The following BSG variants were observed in gnomAD, a reference collection of about 807,000 sequenced individuals.
BSG encodes basigin.
In BSG, 37 loss-of-function variants were observed where a neutral mutation model predicts 43.1. That is an observed-to-expected ratio of 0.86 (90% CI 0.66 to 1.13). The LOEUF is 1.13. Among genes scored for constraint, BSG ranks in the 50% most tolerant of loss-of-function variants. The pLI, the probability that BSG is intolerant of heterozygous loss-of-function variation, is 0.00. For missense variants in BSG, 599 were observed against 554.2 expected, an observed-to-expected ratio of 1.08 and a Z score of -0.81; for synonymous variants, 309 against 238.7, an observed-to-expected ratio of 1.29 and a Z score of -2.72.
At chr19:572,453 C>T (rs1452856966), upstream of BSG, 3 of 1,152,916 alleles carry the variant, frequency 2.6e-6, no homozygotes, top group South Asian at 4.4e-5. Context: ...GGAGCCGGCG[C>T]GTACATGCGA....
At position 578,036 on chromosome 19, in the gene BSG, C is replaced by T; in HGVS notation, c.330C>T (p.Ala110=). The T allele has an allele frequency of 1.6e-5, 25 of 1,611,630 alleles. No homozygotes were observed. Among genetic ancestry groups the T allele is most frequent in the Non-Finnish European group, 2.0e-5 (24 of 1,179,436 alleles). Reference sequence around the variant, plus strand: ...ACACGGGCACTTACGAGTGCCGGGCCAGCAACGACCCGGATCGCAACCACC... The same window carrying T: ...ACACGGGCACTTACGAGTGCCGGGCTAGCAACGACCCGGATCGCAACCACC... ...EEDTGTYECR[A]SNDPDRNHLT... Residue 110 remains alanine (A), a synonymous_variant, in exon 2 of 9, where the codon GCC becomes GCT. Coordinates refer to ENST00000333511, the MANE Select transcript of BSG (RefSeq NM_001728.4).
rs779664322 is a variant in BSG at position 577,928 on chromosome 19, C to G, written c.222C>G (p.Ala74=). 1.2e-6 allele frequency: 2 copies of G among 1,604,594 alleles called. No individual in the cohort carries two copies. The highest frequency in any genetic ancestry group is 1.7e-6 in the Non-Finnish European group (2 of 1,174,488). The change falls in exon 2 of 9, where the codon GCC becomes GCG. Residue 74 remains alanine (A), a synonymous_variant. Transcript: ENST00000333511. The part of the protein sequence containing the change: ...NDTCSQLWDG[A]RLDRVHIHAT... Reference sequence around the variant, plus strand: ...CCTGCTCCCAGCTCTGGGACGGCGCCCGGCTGGACCGCGTCCACATCCACG... The same window carrying G: ...CCTGCTCCCAGCTCTGGGACGGCGCGCGGCTGGACCGCGTCCACATCCACG...
chr19:572,583 G>GGGC (rs572465381), upstream of BSG: 940 of 1,437,524 alleles, frequency 6.5e-4, 6 homozygotes, highest in African/African-American at 9.0e-3. Context: ...TAGCGGCCGC[G>GGGC]GGCGGCGGCG....
rs1447097151 is a variant in BSG at position 575,787 on chromosome 19, C to T, written c.68-1987C>T. 8.5e-5 allele frequency among the ~76,000 whole-genome samples: 13 copies of T among 152,250 alleles called. No homozygotes were observed. The South Asian group carries it at 1.2e-3, about 15-fold the overall frequency. Reference sequence around the variant, plus strand: ...CATGTGGCCAGAATCGAATTCTAACCTTTCTGGGGCTGTGGCCGAGGGTCA... The same window carrying T: ...CATGTGGCCAGAATCGAATTCTAACTTTTCTGGGGCTGTGGCCGAGGGTCA... On this transcript the variant is annotated intron_variant, in intron 1 of 8. Coordinates refer to ENST00000333511, the MANE Select transcript of BSG (RefSeq NM_001728.4).
At chr19:577,403 G>A (rs768357631) in intron 1 of BSG, among the ~76,000 whole-genome samples, 1 of 152,288 alleles carries the variant, frequency 6.6e-6, no homozygotes, top group East Asian at 1.9e-4. Context: ...CCGGGTCTCT[G>A]GGGTCAGGGT....
chr19:579,556 T>C lies in BSG; in HGVS notation c.472T>C (p.Ser158Pro). ...TGGCTCCAAGATACTCCTCACCTGC[T>C]CCTTGAATGACAGCGCCACAGAGGT... ...DLGSKILLTC[S>P]LNDSATEVTG... The change falls in exon 3 of 9, where the codon TCC (serine) becomes CCC (proline). Residue 158 changes from serine to proline, a missense_variant. Physicochemically the swap from Ser to Pro is moderately conservative, Grantham distance 74. Coordinates refer to ENST00000333511, the MANE Select transcript of BSG (RefSeq NM_001728.4). The C allele has an allele frequency of 6.2e-7, 1 of 1,612,728 alleles. No homozygotes were observed. Among genetic ancestry groups the C allele is most frequent in the Admixed American group, 1.7e-5 (1 of 60,026 alleles).
Position 577,839 on chromosome 19 carries a change from G to A in BSG, c.133G>A (p.Glu45Lys), listed in dbSNP as rs747110729. Reference sequence around the variant, plus strand: ...GGGGGGCAGTGTGGAGCTGCACTGCGAGGCCGTGGGCAGCCCGGTGCCCGA... The same window carrying A: ...GGGGGGCAGTGTGGAGCTGCACTGCAAGGCCGTGGGCAGCCCGGTGCCCGA... ...WVGGSVELHCEAVGSPVPEIQ... is the reference protein window; with the variant it reads ...WVGGSVELHCKAVGSPVPEIQ... The change falls in exon 2 of 9, where the codon GAG becomes AAG. Residue 45 changes from glutamate to lysine, a missense_variant. By Grantham distance (56) the Glu-to-Lys change is moderately conservative (BLOSUM62 1). Transcript: ENST00000333511. The A allele has an allele frequency of 9.9e-6, 15 of 1,517,168 alleles. No homozygotes were observed. Among genetic ancestry groups the A allele is most frequent in the Admixed American group, 2.0e-5 (1 of 49,988 alleles). 94.0% of individuals were successfully genotyped at this position (1,517,168 alleles called of 1,614,324 possible). A position where few individuals can be genotyped will look rare whatever the true frequency, so the allele number is the denominator to read the frequency against.
At position 579,612 on chromosome 19, in the gene BSG, G is replaced by A. The variant is rs777292458; in HGVS notation, c.528G>A (p.Val176=). ...VTGHRWLKGG[V]VLKEDALPGQ... ...GGCACCGCTGGCTGAAGGGGGGCGT[G>A]GTGCTGAAGGAGGACGCGCTGCCCG... Residue 176 remains valine (V), a synonymous_variant, in exon 3 of 9, where the codon GTG becomes GTA. Coordinates refer to ENST00000333511, the MANE Select transcript of BSG (RefSeq NM_001728.4). 7.4e-6 allele frequency: 12 copies of A among 1,612,434 alleles called. No homozygotes were observed. The East Asian group carries it at 2.7e-4, about 36-fold the overall frequency.
chr19:571,535 T>G (rs1317217606), upstream of BSG: 1 of 779,474 alleles, frequency 1.3e-6, no homozygotes, highest in Non-Finnish European at 2.4e-6. Context: ...CCTCCGCTCC[T>G]GAGGCCCCCA....
At chr19:578,194 CAGT>C in intron 2 of BSG, 73 bp downstream of exon 2, 1 of 1,365,554 alleles carries the variant, frequency 7.3e-7, no homozygotes, top group Non-Finnish European at 9.7e-7. Context: ...GGCTCCTGCT[CAGT>C]AGAACCCAGA....
chr19:581,396 A>T lies in BSG; in HGVS notation c.874A>T (p.Met292Leu). The T allele has an allele frequency of 6.2e-7, 1 of 1,612,818 alleles. No individual in the cohort carries two copies. Among genetic ancestry groups the T allele is most frequent in the Non-Finnish European group, 8.5e-7 (1 of 1,179,954 alleles). The change falls in exon 6 of 9, where the codon ATG (methionine) becomes TTG (leucine). Residue 292 changes from methionine (M) to leucine (L), a missense_variant. Coordinates refer to ENST00000333511, the MANE Select transcript of BSG (RefSeq NM_001728.4). ...RSELHIENLN[M>L]EADPGQYRCN... is the part of the protein sequence containing the mutation. Reference sequence around the variant, plus strand: ...AGAGCTACACATTGAGAACCTGAACATGGAGGCCGACCCCGGCCAGTACCG... The same window carrying T: ...AGAGCTACACATTGAGAACCTGAACTTGGAGGCCGACCCCGGCCAGTACCG...
At chr19:579,915 G>A (rs529198553) in intron 3 of BSG, 32 of 524,884 alleles carry the variant, frequency 6.1e-5, no homozygotes, top group African/African-American at 3.9e-4. Flanking sequence ...ACGAAAGGGC[G>A]CCACACTGCC....
chr19:580,751 C>T lies in BSG; in HGVS notation c.761C>T (p.Ala254Val). 6.2e-7 allele frequency: 1 copy of T among 1,612,838 alleles called. No homozygotes were observed. Among genetic ancestry groups the T allele is most frequent in the Non-Finnish European group, 8.5e-7 (1 of 1,179,962 alleles). The change falls in exon 5 of 9, where the codon GCC (alanine) becomes GTC (valine). Residue 254 changes from alanine (A) to valine (V), a missense_variant. Ala to Val is a moderately conservative substitution (Grantham distance 64, BLOSUM62 0). Transcript: ENST00000333511. Reference sequence around the variant, plus strand: ...TCCGTGCCACCTGTCACTGACTGGGCCTGGTACAAGATCACTGACTCTGAG... The same window carrying T: ...TCCGTGCCACCTGTCACTGACTGGGTCTGGTACAAGATCACTGACTCTGAG... ...SESVPPVTDWAWYKITDSEDK... is the reference protein window; with the variant it reads ...SESVPPVTDWVWYKITDSEDK...
chr19:575,294 C>T (rs1003336300), intron 1 of BSG: 1 of 152,370 alleles, frequency 6.6e-6, no homozygotes, highest in Non-Finnish European at 1.5e-5. Context: ...GGGGTGGACA[C>T]TGCTGTTTGC....
chr19:581,371 A>G lies in BSG; in HGVS notation c.849A>G (p.Ser283=), dbSNP rs11551900. 1,121 of 1,612,754 alleles carry G rather than the reference A, an allele frequency of 7.0e-4. 5 individuals are homozygous for G. In the African/African-American group the frequency reaches 0.014, roughly 20 times the overall value. ...RFFVSSSQGR[S]ELHIENLNME... ...TCGTGAGTTCCTCGCAGGGCCGGTC[A>G]GAGCTACACATTGAGAACCTGAACA... is the stretch of plus-strand genomic sequence containing the variant. Residue 283 remains serine (S), a synonymous_variant, in exon 6 of 9, where the codon TCA becomes TCG. Transcript: ENST00000333511.
intron 2 of BSG, 75 bp from the exon 3 acceptor site, chr19:579,425 G>C (rs1010580643): frequency 6.3e-7 from 1 of 1,590,474 alleles, no homozygotes; most frequent in Non-Finnish European, 8.6e-7. Context: ...AGGAGCCGCA[G>C]GTTCCTGGGG....
At chr19:581,643 G>A (rs768578414) in intron 6 of BSG, 52 bp downstream of exon 6, 51 of 1,511,394 alleles carry the variant, frequency 3.4e-5, no homozygotes, top group Non-Finnish European at 4.2e-5. Context: ...GTGGCCCAGG[G>A]CCACTCCTGG....
rs574712193 is a variant in BSG, at chr19:573,903, T to A, written c.67+1202T>A. The stretch of plus-strand genomic sequence containing the variant: ...TCCGGGAGAAAAGCATGACATCCTT[T>A]CTTGCTTCATAGAAAATTTCTTCCT... On this transcript the variant is annotated intron_variant, in intron 1 of 8. Coordinates refer to ENST00000333511, the MANE Select transcript of BSG (RefSeq NM_001728.4). 1.9e-4 allele frequency among the ~76,000 whole-genome samples: 29 copies of A among 152,338 alleles called. No individual in the cohort carries two copies. In the East Asian group the frequency reaches 5.6e-3, roughly 29 times the overall value.
Position 578,047 on chromosome 19 carries a change from C to T in BSG, c.341C>T (p.Pro114Leu), listed in dbSNP as rs967054886. The T allele has an allele frequency of 1.6e-5, 25 of 1,611,008 alleles. No individual in the cohort carries two copies. The East Asian group carries it at 2.2e-4, about 14-fold the overall frequency. Residue 114 changes from proline (P) to leucine (L), a missense_variant, in exon 2 of 9, where the codon CCG (proline) becomes CTG (leucine). Coordinates refer to ENST00000333511, the MANE Select transcript of BSG (RefSeq NM_001728.4). ...TACGAGTGCCGGGCCAGCAACGACCCGGATCGCAACCACCTGACCCGGGCG... is the reference window on the plus strand; with the variant it reads ...TACGAGTGCCGGGCCAGCAACGACCTGGATCGCAACCACCTGACCCGGGCG... The part of the protein sequence containing the change: ...GTYECRASND[P>L]DRNHLTRAPR...
Sources: gnomAD v4.1 joint callset for allele counts (sites outside exome capture counted in the v4.1 genomes callset) on GRCh38, gnomAD v4.1.1 for gene constraint, MANE v1.5 for transcripts, NCBI Gene and HGNC (gene_info 2026-07-23, HGNC 2026-07-21) for gene names.